Variants in CPAMD8 observed in about 807,000 individuals in gnomAD.
The protein encoded by CPAMD8 is C3 and PZP-like alpha-2-macroglobulin domain-containing protein 8.
In CPAMD8, 146 loss-of-function variants were observed where a neutral mutation model predicts 224.7. That is an observed-to-expected ratio of 0.65 (90% CI 0.57 to 0.75). The LOEUF is 0.75. CPAMD8 is among the 30% of genes least tolerant of loss of function. The pLI is 0.00. For synonymous variants in CPAMD8, 966 were observed against 1,044.6 expected (o/e 0.92, Z 1.45); for missense variants, 2,301 against 2,537.5 (o/e 0.91, Z 2.00).
At chr19:16,927,645 T>C (rs1473078408) in intron 25 of CPAMD8, among the ~76,000 whole-genome samples, 1 of 152,050 alleles carries the variant, frequency 6.6e-6, no homozygotes, top group Non-Finnish European at 1.5e-5. Context: ...ATTCAGGTAT[T>C]TGTGTTTTCT....
intron 3 of CPAMD8, among the ~76,000 whole-genome samples, chr19:17,018,715 A>AAT (rs554434725): frequency 0.029 from 3,183 of 108,100 alleles, 108 homozygotes; most frequent in African/African-American, 0.16. Context: ...CTCTACTAAA[A>AAT]ATACACACAC....
intron 38 of CPAMD8, 23 bp from the exon 39 acceptor site, chr19:16,897,824 G>A: frequency 6.4e-7 from 1 of 1,574,492 alleles, no homozygotes; most frequent in East Asian, 2.3e-5. Context: ...GGTGGCGGGT[G>A]ACCAAGTGCA....
rs753702595 is a variant in CPAMD8 at position 16,914,479 on chromosome 19, A to G, written c.3806T>C (p.Val1269Ala). 1 of 1,614,102 alleles carries G rather than the reference A, an allele frequency of 6.2e-7. No homozygotes were observed. The highest frequency in any genetic ancestry group is 2.2e-5 in the East Asian group (1 of 44,866). The change falls in exon 29 of 42, where the codon GTC becomes GCC. Residue 1269 changes from valine to alanine, a missense_variant. Around this residue, in one of 4 missense-constraint regions of CPAMD8, gnomAD observed 1,709 missense variants for 1,753.2 expected, o/e 0.97. Coordinates refer to ENST00000443236, the MANE Select transcript of CPAMD8 (RefSeq NM_015692.5). ...KDIQGGIHGT[V>A]PLTAYVVVAL... ...AACCACCACGTAGGCTGTCAGCGGG[A>G]CAGTGCCGTGGATCCCACCCTGCAA...
chr19:17,010,120 T>A (rs1366361254), intron 5 of CPAMD8, among the ~76,000 whole-genome samples: 1 of 152,176 alleles, frequency 6.6e-6, no homozygotes, highest in African/African-American at 2.4e-5. Flanking sequence ...CACGATCAGA[T>A]CCTGGACCAG....
intron 8 of CPAMD8, chr19:17,002,632 G>A: frequency 3.5e-6 from 1 of 287,112 alleles, no homozygotes; most frequent in South Asian, 6.2e-5. Context: ...ATCCCAGGGT[G>A]GACACGAGGC....
At chr19:17,024,982 G>T (rs1599944101) in intron 1 of CPAMD8, among the ~76,000 whole-genome samples, 1 of 152,216 alleles carries the variant, frequency 6.6e-6, no homozygotes, top group Admixed American at 6.5e-5. Context: ...CAGCTAATCT[G>T]GAATCCCAGG....
At chr19:16,928,515 T>C (rs565542735) in intron 24 of CPAMD8, among the ~76,000 whole-genome samples, 1 of 152,308 alleles carries the variant, frequency 6.6e-6, no homozygotes, top group African/African-American at 2.4e-5. Context: ...GAGAACCTAC[T>C]CTGCTTCCAT....
chr19:16,980,065 A>C (rs895105184), intron 14 of CPAMD8, among the ~76,000 whole-genome samples: 1 of 152,104 alleles, frequency 6.6e-6, no homozygotes, highest in Non-Finnish European at 1.5e-5. Flanking sequence ...ATAGTGCTCA[A>C]GTTGGGGACC....
At chr19:16,908,311 C>T (rs2052600274) in intron 29 of CPAMD8, among the ~76,000 whole-genome samples, 1 of 151,752 alleles carries the variant, frequency 6.6e-6, no homozygotes, top group African/African-American at 2.4e-5. Context: ...TGCAGTGAGC[C>T]GAGATTGCAC....
At chr19:16,924,412 T>C (rs903260119) in intron 26 of CPAMD8, among the ~76,000 whole-genome samples, 1 of 152,120 alleles carries the variant, frequency 6.6e-6, no homozygotes, top group African/African-American at 2.4e-5. Flanking sequence ...GACCTGAGCC[T>C]GGATGGATCC....
chr19:17,010,705 C>CAG (rs962757920), intron 5 of CPAMD8, among the ~76,000 whole-genome samples: 9 of 152,020 alleles, frequency 5.9e-5, no homozygotes, highest in South Asian at 2.1e-4. Context: ...CATATACAGA[C>CAG]AGAGAGAGAG....
At chr19:16,986,354 C>T (rs974068848) in intron 13 of CPAMD8, among the ~76,000 whole-genome samples, 4 of 152,088 alleles carry the variant, frequency 2.6e-5, no homozygotes, top group African/African-American at 7.2e-5. Context: ...TTGAGATTCA[C>T]CCGGGGAGCA....
chr19:16,977,232 C>G (rs764840835), intron 15 of CPAMD8, 136 bp downstream of exon 15: 1 of 646,080 alleles, frequency 1.5e-6, no homozygotes, highest in Non-Finnish European at 2.7e-6. Flanking sequence ...AAAGATGCAA[C>G]TCATGTTCCC....
At chr19:16,946,389 AT>A in intron 21 of CPAMD8, among the ~76,000 whole-genome samples, 1 of 129,160 alleles carries the variant, frequency 7.7e-6, no homozygotes, top group South Asian at 2.5e-4. Context: ...GTGTGTGTGT[AT>A]ATGCATGTCT....
chr19:17,011,644 G>T lies in CPAMD8; in HGVS notation c.381C>A (p.Gly127=). The T allele has an allele frequency of 6.2e-7, 1 of 1,614,140 alleles. No homozygotes were observed. Residue 127 remains glycine, a synonymous_variant, in exon 4 of 42, where the codon GGC becomes GGA. Coordinates refer to ENST00000443236, the MANE Select transcript of CPAMD8 (RefSeq NM_015692.5). ...NQTSVTVDGR[G]ASVFIQTDKP... is the part of the protein sequence containing the mutation. ...TGTCCGTCTGGATGAATACAGAAGCGCCCCGGCCGTCCACGGTCACCGAGG... is the reference window on the plus strand; with the variant it reads ...TGTCCGTCTGGATGAATACAGAAGCTCCCCGGCCGTCCACGGTCACCGAGG...
chr19:16,929,771 T>C (rs1368246538), intron 23 of CPAMD8, among the ~76,000 whole-genome samples: 1 of 152,062 alleles, frequency 6.6e-6, no homozygotes, highest in Non-Finnish European at 1.5e-5. Flanking sequence ...GAGCAAGGTG[T>C]TGAAAATTGC....
chr19:16,938,880 C>T (rs1244900081), intron 22 of CPAMD8, among the ~76,000 whole-genome samples: 6 of 152,350 alleles, frequency 3.9e-5, no homozygotes, highest in East Asian at 1.9e-4. Context: ...GAGTCTCCGT[C>T]CCACTGTCTG....
intron 19 of CPAMD8, among the ~76,000 whole-genome samples, chr19:16,956,317 G>C (rs536049444): frequency 6.6e-6 from 1 of 152,186 alleles, no homozygotes; most frequent in African/African-American, 2.4e-5. Context: ...TTATTCATAT[G>C]GTGGGACTCA....
chr19:16,917,380 A>G (rs1051417726), intron 27 of CPAMD8, among the ~76,000 whole-genome samples: 3 of 152,196 alleles, frequency 2.0e-5, no homozygotes, highest in Admixed American at 6.5e-5. Context: ...GAAGCTGTGT[A>G]TGGGGGTGTA....
Sources: allele counts gnomAD v4.1 joint callset (sites outside exome capture counted in the v4.1 genomes callset), GRCh38; gene constraint gnomAD v4.1.1; regional missense constraint gnomAD v4.1.1; transcripts MANE v1.5; gene names NCBI Gene and HGNC (gene_info 2026-07-23, HGNC 2026-07-21).